The following C2CD2 variants were observed in gnomAD, a reference collection of about 807,000 sequenced individuals.
The protein encoded by C2CD2 is C2 domain-containing protein 2.
C2CD2 carries 43 observed loss-of-function variants against 74.3 expected under a neutral mutation model. The ratio of observed to expected loss-of-function variants is 0.58; its 90% CI spans 0.45 to 0.75. The LOEUF is 0.75. Ranked by LOEUF, C2CD2 falls within the 30% of genes least tolerant of loss-of-function variation. The probability of loss-of-function intolerance (pLI) is 0.00; values close to 1 mark genes in which losing one functional copy is unlikely to be tolerated. For synonymous variants in C2CD2, 422 were observed against 390.7 expected (o/e 1.08, Z -0.94); for missense variants, 801 against 916.3 (o/e 0.87, Z 1.63).
intron 1 of C2CD2, among the ~76,000 whole-genome samples, chr21:41,951,600 C>T (rs114822433): frequency 6.6e-6 from 1 of 152,102 alleles, no homozygotes. Context: ...TCTCCCTGAA[C>T]GCAACCCCTC....
intron 1 of C2CD2, among the ~76,000 whole-genome samples, chr21:41,944,004 C>G (rs1324935847): frequency 6.6e-6 from 1 of 152,190 alleles, no homozygotes; most frequent in East Asian, 1.9e-4. Context: ...CCTGAGAGAA[C>G]AGAACCCAGC....
Position 41,895,883 on chromosome 21 carries a change from A to G in C2CD2, c.1870+3170T>C, listed in dbSNP as rs1051888467. 1.8e-4 allele frequency among the ~76,000 whole-genome samples: 28 copies of G among 152,246 alleles called. No homozygotes were observed. Among genetic ancestry groups the G allele is most frequent in the African/African-American group, 6.8e-4 (28 of 41,474 alleles). On this transcript the variant is annotated intron_variant, in intron 13 of 13. Coordinates refer to ENST00000380486, the MANE Select transcript of C2CD2 (RefSeq NM_015500.2). The surrounding 1 kb of genome is among the most constrained non-coding windows in gnomAD (Gnocchi z 5.0). ...TTCCCAAGAACAGCATCGGATTTCAACTGGAACCACAGATGGTCCGTTGAT... is the reference window on the plus strand; with the variant it reads ...TTCCCAAGAACAGCATCGGATTTCAGCTGGAACCACAGATGGTCCGTTGAT...
chr21:41,928,229 GACCA>G (rs2065231960), intron 2 of C2CD2, among the ~76,000 whole-genome samples: 1 of 152,140 alleles, frequency 6.6e-6, no homozygotes, highest in African/African-American at 2.4e-5. Context: ...TCTGTATTCC[GACCA>G]ACCGACGAAA....
At chr21:41,906,912 A>C in intron 10 of C2CD2, 80 bp downstream of exon 10, 4 of 1,113,574 alleles carry the variant, frequency 3.6e-6, no homozygotes, top group Non-Finnish European at 5.4e-6. Context: ...CAGGCTCCAG[A>C]ACTCTGCAGT....
Position 41,885,714 on chromosome 21 carries a change from A to T in C2CD2, c.*3410T>A, listed in dbSNP as rs1351094222. ...AGAGCCGTGAGATTACTACCCAGGA[A>T]ACACCTGCCTTCGGTGGCCAGCAGT... On this transcript the variant is annotated 3_prime_UTR_variant, in exon 14 of 14. Transcript: ENST00000380486. The T allele has an allele frequency of 2.0e-5, 3 of 152,542 alleles. No individual in the cohort carries two copies. Among genetic ancestry groups the T allele is most frequent in the Admixed American group, 1.3e-4 (2 of 15,260 alleles). The allele number at this position is 152,542 out of a possible 1,614,324, so 9.4% of individuals were successfully genotyped here. A position where few individuals can be genotyped will look rare whatever the true frequency, so the allele number is the denominator to read the frequency against.
At chr21:41,896,071 G>C (rs2064818806) in intron 13 of C2CD2, among the ~76,000 whole-genome samples, 2 of 152,244 alleles carry the variant, frequency 1.3e-5, no homozygotes. Context: ...GGAACACGCG[G>C]AACTAGCAAC....
rs1218225221 is a variant in C2CD2, at chr21:41,918,893, T to C, written c.560A>G (p.Glu187Gly). The stretch of plus-strand genomic sequence containing the variant: ...TTTGGGCTGGATATTAACGGCCATT[T>C]CCGGCACACTGATGAAAGACCAGCT... ...QISWSFISVP[E>G]MAVNIQPKAL... The change falls in exon 4 of 14, where the codon GAA (glutamate) becomes GGA (glycine). Residue 187 changes from glutamate (E) to glycine (G), a missense_variant. Transcript: ENST00000380486. The C allele has an allele frequency of 3.1e-6, 5 of 1,614,078 alleles. No homozygotes were observed. In the African/African-American group the frequency reaches 6.7e-5, roughly 22 times the overall value.
chr21:41,912,878 C>T (rs1156456583), intron 6 of C2CD2, among the ~76,000 whole-genome samples: 3 of 152,248 alleles, frequency 2.0e-5, no homozygotes. Context: ...TTACCCACTT[C>T]AGAGAGTGGG....
At chr21:41,890,263 C>T (rs771311247) in intron 13 of C2CD2, among the ~76,000 whole-genome samples, 35 of 152,258 alleles carry the variant, frequency 2.3e-4, no homozygotes, top group Admixed American at 2.0e-4. Flanking sequence ...GCCTACAAAA[C>T]GTCAATTTTG....
chr21:41,910,749 T>A (rs2065017345), intron 7 of C2CD2, among the ~76,000 whole-genome samples: 1 of 152,242 alleles, frequency 6.6e-6, no homozygotes, highest in South Asian at 2.1e-4. Context: ...GTTCATTTTT[T>A]AAGGATTAGA....
intron 1 of C2CD2, among the ~76,000 whole-genome samples, chr21:41,951,244 G>A (rs2065448316): frequency 6.6e-6 from 1 of 152,096 alleles, no homozygotes; most frequent in Non-Finnish European, 1.5e-5. Flanking sequence ...ATGCCGGGAG[G>A]GTGTGTGACC....
intron 6 of C2CD2, 60 bp downstream of exon 6, chr21:41,914,538 C>T (rs906854097): frequency 2.0e-5 from 30 of 1,522,306 alleles, no homozygotes; most frequent in African/African-American, 6.9e-5. Context: ...CCGGAGCCCC[C>T]GACTCTGCTC....
intron 12 of C2CD2, among the ~76,000 whole-genome samples, chr21:41,900,710 C>A (rs2064884753): frequency 6.6e-6 from 1 of 152,182 alleles, no homozygotes; most frequent in Non-Finnish European, 1.5e-5. Context: ...GCCCACCCAC[C>A]CACTCTTTTG....
At chr21:41,919,238 G>A (rs1362233623) in intron 3 of C2CD2, among the ~76,000 whole-genome samples, 2 of 152,252 alleles carry the variant, frequency 1.3e-5, no homozygotes, top group African/African-American at 2.4e-5. Flanking sequence ...GTGCATGTGA[G>A]CACGTGTGCC....
chr21:41,916,623 G>A (rs1420204670), intron 5 of C2CD2, among the ~76,000 whole-genome samples: 2 of 150,572 alleles, frequency 1.3e-5, no homozygotes, highest in Non-Finnish European at 2.9e-5. Flanking sequence ...ACCAAATGCA[G>A]ATCTCAGGAC....
chr21:41,951,898 G>A (rs1301579350), intron 1 of C2CD2, among the ~76,000 whole-genome samples: 1 of 152,188 alleles, frequency 6.6e-6, no homozygotes, highest in African/African-American at 2.4e-5. Context: ...TGAACTTAAA[G>A]GTCATTCACC....
At chr21:41,928,383 G>A (rs767921836) in intron 2 of C2CD2, among the ~76,000 whole-genome samples, 4 of 152,148 alleles carry the variant, frequency 2.6e-5, no homozygotes, top group Non-Finnish European at 5.9e-5. Flanking sequence ...TTCAGGGGCA[G>A]TATCTGCCCT....
intron 13 of C2CD2, among the ~76,000 whole-genome samples, chr21:41,898,056 G>A (rs2064844870): frequency 6.6e-6 from 1 of 152,224 alleles, no homozygotes; most frequent in Non-Finnish European, 1.5e-5. Flanking sequence ...AAGAACAGAG[G>A]ACAAAAGGCA....
intron 2 of C2CD2, 103 bp downstream of exon 2, chr21:41,942,044 T>C: frequency 7.1e-7 from 1 of 1,417,436 alleles, no homozygotes; most frequent in Non-Finnish European, 9.4e-7. Context: ...ATTTTTTTCC[T>C]AGTGTAAGGG....
Sources: allele counts gnomAD v4.1 joint callset (sites outside exome capture counted in the v4.1 genomes callset), GRCh38; gene constraint gnomAD v4.1.1; non-coding constraint Gnocchi (gnomAD v3.1); transcripts MANE v1.5; gene names NCBI Gene and HGNC (gene_info 2026-07-23, HGNC 2026-07-21).